APOLD1: variants seen among roughly 807,000 people sequenced by gnomAD.
APOLD1 encodes the protein apolipoprotein L domain-containing protein 1.
APOLD1 carries 22 observed loss-of-function variants against 15.3 expected under a neutral mutation model. The observed-to-expected ratio is 1.44, with a 90% CI of 1.03 to 2.05. The LOEUF (loss-of-function observed/expected upper bound fraction) is 2.05. Among genes scored for constraint, APOLD1 ranks in the 30% most tolerant of loss-of-function variants. The pLI is 0.00. For missense variants in APOLD1, 394 were observed against 353.5 expected, an observed-to-expected ratio of 1.11 and a Z score of -0.92; for synonymous variants, 190 against 167.4, an observed-to-expected ratio of 1.13 and a Z score of -1.04.
At chr12:12,756,660 C>T (rs1245643289) in intron 1 of APOLD1, among the ~76,000 whole-genome samples, 1 of 152,220 alleles carries the variant, frequency 6.6e-6, no homozygotes, top group Non-Finnish European at 1.5e-5. Flanking sequence ...CCATTAAACA[C>T]TAGGTTCCTA....
rs568539627 is a variant in APOLD1 at position 12,766,533 on chromosome 12, T to C, written c.97-20376T>C. On this transcript the variant is annotated intron_variant, in intron 1 of 1. Coordinates refer to the APOLD1 transcript ENST00000326765. ...TTCTGAGAGAGCCATAAAAAGGCAATAGTAAAACACTGATATAAAATCAGC... is the reference window on the plus strand; with the variant it reads ...TTCTGAGAGAGCCATAAAAAGGCAACAGTAAAACACTGATATAAAATCAGC... Among the ~76,000 whole-genome samples the C allele has an allele frequency of 5.3e-5, 8 of 152,166 alleles. No individual in the cohort carries two copies. The East Asian group carries it at 1.4e-3, about 26-fold the overall frequency.
intron 1 of APOLD1, among the ~76,000 whole-genome samples, chr12:12,748,981 G>A (rs914246937): frequency 6.6e-6 from 1 of 152,230 alleles, no homozygotes; most frequent in Non-Finnish European, 1.5e-5. Context: ...GATCTTCCCA[G>A]ATGTGGTAAG....
intron 1 of APOLD1, among the ~76,000 whole-genome samples, chr12:12,758,032 T>C (rs1205646536): frequency 1.3e-5 from 2 of 149,894 alleles, no homozygotes; most frequent in African/African-American, 4.9e-5. Context: ...TTCAAGTGAT[T>C]CTCCTGCCTC....
At position 12,790,597 on chromosome 12, in the gene APOLD1, T is replaced by G. The variant is rs1470329032; in HGVS notation, c.*2945T>G. On this transcript the variant is annotated 3_prime_UTR_variant, in exon 2 of 2. Transcript: ENST00000356591. ...ATCAAAAGTTCTAGACTTTTGAAGT[T>G]ATGATTTCAGTGGCCCACTTTATTT... 6.6e-6 allele frequency: 1 copy of G among 152,236 alleles called. No homozygotes were observed. The highest frequency in any genetic ancestry group is 1.5e-5 in the Non-Finnish European group (1 of 68,042). 9.4% of individuals were successfully genotyped at this position (152,236 alleles called of 1,614,324 possible).
At position 12,787,586 on chromosome 12, in the gene APOLD1, C is replaced by T; in HGVS notation, c.681C>T (p.Cys227=). The T allele has an allele frequency of 6.2e-7, 1 of 1,612,478 alleles. No individual in the cohort carries two copies. The highest frequency in any genetic ancestry group is 1.6e-4 in the Middle Eastern group (1 of 6,062). ...SEQLESRVQL[C]TKSSRGHDLK... ...AGCTGGAGTCTCGGGTTCAGCTCTG[C>T]ACCAAGTCCAGTCGTGGCCACGACC... Residue 227 remains cysteine, a synonymous_variant, in exon 2 of 2, where the codon TGC becomes TGT. Transcript: ENST00000356591. This position sits in a 1 kb window ranked among gnomAD's most constrained non-coding sequence, Gnocchi z 4.9.
chr12:12,784,439 A>C (rs1947108596), upstream of APOLD1, among the ~76,000 whole-genome samples: 1 of 152,202 alleles, frequency 6.6e-6, no homozygotes, highest in Admixed American at 6.5e-5. Flanking sequence ...TCCTTTGAGG[A>C]GCTGTAACAA....
chr12:12,782,294 C>CAAAA (rs1555092625), upstream of APOLD1, among the ~76,000 whole-genome samples: 1,606 of 108,306 alleles, frequency 0.015, 50 homozygotes, highest in Middle Eastern at 0.023. Flanking sequence ...AACAAACAAA[C>CAAAA]ACTACCAGTT....
rs1212128633 is a variant in APOLD1, at chr12:12,787,002, G to C, written c.97G>C (p.Gly33Arg). ...GCTGGACCGCCGAGGCCGGCTGCACGGCCAGGTGCTGCGCCTGCGCGAGGT... is the reference window on the plus strand; with the variant it reads ...GCTGGACCGCCGAGGCCGGCTGCACCGCCAGGTGCTGCGCCTGCGCGAGGT... ...LLLDRRGRLHGQVLRLREVAR... is the reference protein window; with the variant it reads ...LLLDRRGRLHRQVLRLREVAR... The change falls in exon 2 of 2, where the codon GGC becomes CGC. Residue 33 changes from glycine (G) to arginine (R), a missense_variant. Physicochemically the swap from Gly to Arg is moderately radical, Grantham distance 125. Coordinates refer to ENST00000356591, the MANE Select transcript of APOLD1 (RefSeq NM_030817.3). The surrounding 1 kb of genome is among the most constrained non-coding windows in gnomAD (Gnocchi z 4.9). 1.4e-5 allele frequency: 20 copies of C among 1,407,320 alleles called. No homozygotes were observed. The highest frequency in any genetic ancestry group is 3.0e-5 in the African/African-American group (2 of 65,930). 87.2% of individuals were successfully genotyped at this position (1,407,320 alleles called of 1,614,324 possible). A position where few individuals can be genotyped will look rare whatever the true frequency, so the allele number is the denominator to read the frequency against.
In APOLD1 at chr12:12,786,952, C is replaced by A; in HGVS notation, c.47C>A (p.Ala16Glu). 1 of 1,459,530 alleles carries A rather than the reference C, an allele frequency of 6.9e-7. No homozygotes were observed. Among genetic ancestry groups the A allele is most frequent in the Non-Finnish European group, 9.0e-7 (1 of 1,114,856 alleles). 90.4% of individuals were successfully genotyped at this position (1,459,530 alleles called of 1,614,324 possible). ...PAAREPHGPD[A>E]LRRFQGLLLD... The stretch of plus-strand genomic sequence containing the variant: ...GCCCGGGAGCCGCATGGGCCCGACG[C>A]GCTGCGGCGCTTCCAGGGACTGCTG... Residue 16 changes from alanine to glutamate, a missense_variant, in exon 2 of 2, where the codon GCG becomes GAG. By Grantham distance (107) the Ala-to-Glu change is moderately radical (BLOSUM62 -1). Transcript: ENST00000356591.
chr12:12,759,031 G>A (rs1946878889), intron 1 of APOLD1, among the ~76,000 whole-genome samples: 1 of 152,180 alleles, frequency 6.6e-6, no homozygotes, highest in Admixed American at 6.5e-5. Context: ...TGGGCAGGGA[G>A]CGCCTACAGT....
chr12:12,740,165 T>C (rs994445989), intron 1 of APOLD1, among the ~76,000 whole-genome samples: 5 of 152,138 alleles, frequency 3.3e-5, no homozygotes, highest in African/African-American at 1.2e-4. Flanking sequence ...GTATGTTTAG[T>C]AGAGATGGGG....
chr12:12,775,704 A>AT (rs1000020586), intron 1 of APOLD1, among the ~76,000 whole-genome samples: 3 of 152,190 alleles, frequency 2.0e-5, no homozygotes, highest in South Asian at 4.1e-4. Context: ...TAGAAACTAC[A>AT]TTTTTTAAAA....
chr12:12,775,916 A>G (rs1947028052), intron 1 of APOLD1, among the ~76,000 whole-genome samples: 1 of 139,522 alleles, frequency 7.2e-6, no homozygotes, highest in African/African-American at 2.6e-5. Context: ...AGGTGAGAGG[A>G]TTGCTTGAGC....
chr12:12,731,150 A>G (rs1946638743), intron 1 of APOLD1, among the ~76,000 whole-genome samples: 1 of 152,140 alleles, frequency 6.6e-6, no homozygotes, highest in Non-Finnish European at 1.5e-5. Context: ...CAAAAAAACA[A>G]ACAAACAAAC....
chr12:12,753,321 G>A (rs1592296970), intron 1 of APOLD1, among the ~76,000 whole-genome samples: 1 of 152,150 alleles, frequency 6.6e-6, no homozygotes. Flanking sequence ...ATATACATAT[G>A]TATAAGAATA....
intron 1 of APOLD1, among the ~76,000 whole-genome samples, chr12:12,779,542 A>T (rs1037237175): frequency 6.6e-6 from 1 of 152,174 alleles, no homozygotes; most frequent in African/African-American, 2.4e-5. Context: ...TATAACAAAA[A>T]CGATGAAGAT....
At chr12:12,740,938 G>C (rs985834674) in intron 1 of APOLD1, among the ~76,000 whole-genome samples, 1 of 152,064 alleles carries the variant, frequency 6.6e-6, no homozygotes, top group Non-Finnish European at 1.5e-5. Flanking sequence ...CTGGAAATCA[G>C]AATGCCAATT....
upstream of APOLD1, among the ~76,000 whole-genome samples, chr12:12,783,990 AT>A (rs879742363): frequency 6.6e-6 from 1 of 151,704 alleles, no homozygotes. Flanking sequence ...AATTAACTCA[AT>A]TTTTTTTGCC....
intron 1 of APOLD1, among the ~76,000 whole-genome samples, chr12:12,751,677 A>G (rs1946813433): frequency 6.6e-6 from 1 of 152,218 alleles, no homozygotes; most frequent in Non-Finnish European, 1.5e-5. Flanking sequence ...CAACCTCGAT[A>G]TTACCTTCTG....
Sources: gnomAD v4.1 joint callset for allele counts (sites outside exome capture counted in the v4.1 genomes callset) on GRCh38, gnomAD v4.1.1 for gene constraint, Gnocchi (gnomAD v3.1) non-coding constraint, MANE v1.5 for transcripts, NCBI Gene and HGNC (gene_info 2026-07-23, HGNC 2026-07-21) for gene names.